The following BFSP1 variants were observed in gnomAD, a reference collection of about 807,000 sequenced individuals.
BFSP1 encodes beaded filament structural protein 1.
A neutral mutation model predicts 43.9 loss-of-function variants in BFSP1; 38 were observed. That is an observed-to-expected ratio of 0.87 (90% CI 0.67 to 1.14). The LOEUF (loss-of-function observed/expected upper bound fraction) is 1.14, where lower values mean the gene tolerates loss of function less well. BFSP1 is among the 50% of genes most tolerant of loss of function. The probability of loss-of-function intolerance (pLI) is 0.00; values close to 1 mark genes in which losing one functional copy is unlikely to be tolerated. For synonymous variants in BFSP1, 352 were observed against 354.8 expected, an observed-to-expected ratio of 0.99 and a Z score of 0.09; for missense variants, 850 against 875.1, an observed-to-expected ratio of 0.97 and a Z score of 0.36.
chr20:17,529,770 G>A (rs1426214244), intron 1 of BFSP1, among the ~76,000 whole-genome samples: 1 of 151,628 alleles, frequency 6.6e-6, no homozygotes, highest in Admixed American at 6.6e-5. Flanking sequence ...GAGTGTACCT[G>A]TTGCAGTGAG....
intron 1 of BFSP1, among the ~76,000 whole-genome samples, chr20:17,553,352 C>A (rs573895623): frequency 6.6e-6 from 1 of 152,094 alleles, no homozygotes; most frequent in African/African-American, 2.4e-5. Flanking sequence ...CAACTAAAAT[C>A]CATGGAATAA....
chr20:17,520,217 C>T (rs890924192), intron 2 of BFSP1, among the ~76,000 whole-genome samples: 5 of 142,980 alleles, frequency 3.5e-5, no homozygotes, highest in African/African-American at 1.3e-4. Context: ...CGTGCCCCCC[C>T]ACCCCGCCCA....
At chr20:17,536,367 A>G (rs184797299), upstream of BFSP1, among the ~76,000 whole-genome samples, 7 of 152,252 alleles carry the variant, frequency 4.6e-5, no homozygotes, top group Admixed American at 2.6e-4. Context: ...CCTGGGCAAC[A>G]TCGTGAAACC....
intron 6 of BFSP1, among the ~76,000 whole-genome samples, chr20:17,497,465 C>T (rs1334076955): frequency 1.4e-5 from 2 of 144,002 alleles, no homozygotes; most frequent in Non-Finnish European, 3.1e-5. Flanking sequence ...TATATACACA[C>T]ACACACGTAT....
intron 3 of BFSP1, among the ~76,000 whole-genome samples, chr20:17,512,905 T>C (rs952339829): frequency 2.0e-5 from 3 of 152,162 alleles, no homozygotes; most frequent in African/African-American, 7.2e-5. Context: ...GATAACTATC[T>C]GTAGGGATGC....
intron 1 of BFSP1, among the ~76,000 whole-genome samples, chr20:17,568,311 A>C (rs2035146089): frequency 6.6e-6 from 1 of 152,092 alleles, no homozygotes; most frequent in Non-Finnish European, 1.5e-5. Context: ...GAAATGCAGG[A>C]GAGGCTGGAG....
At chr20:17,500,746 T>G (rs1394207658) in intron 5 of BFSP1, among the ~76,000 whole-genome samples, 2 of 152,124 alleles carry the variant, frequency 1.3e-5, no homozygotes, top group African/African-American at 4.8e-5. Flanking sequence ...ATTGCAATAT[T>G]TTCTCTTGTG....
In BFSP1 at chr20:17,544,234, C is replaced by T. The variant is rs116545952; in HGVS notation, c.2+14454G>A. Among the ~76,000 whole-genome samples, 393 of 152,336 alleles carry T rather than the reference C, an allele frequency of 2.6e-3. 3 individuals carry two copies. The highest frequency in any genetic ancestry group is 9.2e-3 in the African/African-American group (382 of 41,590). ...TTCTAGGAGACAGAGTAGAATGCAT[C>T]ACAGAGATATCCCAGGCAAGGGACG... On this transcript the variant is annotated intron_variant, in intron 1 of 7. Coordinates refer to the BFSP1 transcript ENST00000377868.
chr20:17,554,031 T>C (rs770322481), intron 1 of BFSP1, among the ~76,000 whole-genome samples: 1 of 151,316 alleles, frequency 6.6e-6, no homozygotes, highest in Admixed American at 6.6e-5. Flanking sequence ...TACAGTATTA[T>C]GTCCCCCAAA....
At chr20:17,559,409 T>C (rs373367459), upstream of BFSP1, among the ~76,000 whole-genome samples, 1 of 152,106 alleles carries the variant, frequency 6.6e-6, no homozygotes, top group African/African-American at 2.4e-5. Flanking sequence ...TTCTGTGGAG[T>C]GCAAGCATCA....
In BFSP1 at chr20:17,494,930, T is replaced by C; in HGVS notation, c.1142A>G (p.Lys381Arg). The C allele has an allele frequency of 6.2e-7, 1 of 1,614,198 alleles. No individual in the cohort carries two copies. Among genetic ancestry groups the C allele is most frequent in the Non-Finnish European group, 8.5e-7 (1 of 1,180,040 alleles). ...PRRKEIITKD[K>R]TNGALEDAPL... ...TGCATCTTCCAGAGCTCCGTTGGTT[T>C]TGTCTTTTGTTATAATCTCTTTTCT... Residue 381 changes from lysine (K) to arginine (R), a missense_variant, in exon 8 of 8, where the codon AAA becomes AGA. Physicochemically the swap from Lys to Arg is conservative, Grantham distance 26 (BLOSUM62 2). Transcript: ENST00000377873.
At chr20:17,522,511 T>C (rs1421976223) in intron 2 of BFSP1, among the ~76,000 whole-genome samples, 1 of 152,226 alleles carries the variant, frequency 6.6e-6, no homozygotes, top group Admixed American at 6.5e-5. Flanking sequence ...CATTCTTACG[T>C]AGGTTTATTT....
chr20:17,502,993 G>T (rs1315966383), intron 5 of BFSP1, among the ~76,000 whole-genome samples: 1 of 152,160 alleles, frequency 6.6e-6, no homozygotes, highest in African/African-American at 2.4e-5. Flanking sequence ...TTGAGGGATG[G>T]GGCGGGAGGG....
intron 5 of BFSP1, among the ~76,000 whole-genome samples, 190 bp downstream of exon 5, chr20:17,508,699 C>T (rs1187109548): frequency 6.6e-6 from 1 of 152,160 alleles, no homozygotes; most frequent in South Asian, 2.1e-4. Flanking sequence ...CTCCCTGTGT[C>T]CTGGAAAACT....
chr20:17,505,331 C>T (rs1008647859), intron 5 of BFSP1, among the ~76,000 whole-genome samples: 3 of 152,214 alleles, frequency 2.0e-5, no homozygotes, highest in African/African-American at 7.2e-5. Context: ...CCCAGAGCTC[C>T]TGGGTCAGTG....
upstream of BFSP1, chr20:17,560,434 T>A (rs1490518857): frequency 6.6e-6 from 1 of 152,194 alleles, no homozygotes; most frequent in Non-Finnish European, 1.5e-5. Flanking sequence ...CCAGGTAGGA[T>A]CCTGAGAATT....
intron 5 of BFSP1, 109 bp downstream of exon 5, chr20:17,508,780 A>G (rs2034003036): frequency 2.9e-6 from 3 of 1,044,524 alleles, no homozygotes; most frequent in South Asian, 1.8e-5. Context: ...GGAACATAGG[A>G]TATGTTCAGC....
At chr20:17,520,495 G>A (rs1308121697) in intron 2 of BFSP1, among the ~76,000 whole-genome samples, 3 of 152,088 alleles carry the variant, frequency 2.0e-5, no homozygotes, top group African/African-American at 7.2e-5. Context: ...CTAGTTAGCT[G>A]GAATTTAATT....
chr20:17,509,042 G>A, intron 4 of BFSP1, 46 bp from the exon 5 acceptor site: 3 of 1,415,796 alleles, frequency 2.1e-6, no homozygotes, highest in East Asian at 5.2e-5. Flanking sequence ...ATGCAGAGAG[G>A]AAAAGGGCAG....
Sources: gnomAD v4.1 joint callset for allele counts (sites outside exome capture counted in the v4.1 genomes callset) on GRCh38, gnomAD v4.1.1 for gene constraint, MANE v1.5 for transcripts, NCBI Gene and HGNC (gene_info 2026-07-23, HGNC 2026-07-21) for gene names.